SNTG1: variants seen among roughly 807,000 people sequenced by gnomAD.
The protein encoded by SNTG1 is syntrophin gamma 1, also known as gamma-1-syntrophin.
A neutral mutation model predicts 74.7 loss-of-function variants in SNTG1; 39 were observed. That is an observed-to-expected ratio of 0.52 (90% CI 0.40 to 0.68). The LOEUF (loss-of-function observed/expected upper bound fraction) is 0.68, where lower values mean the gene tolerates loss of function less well. SNTG1 is among the 30% of genes least tolerant of loss of function. The probability of loss-of-function intolerance (pLI) is 0.00; values close to 1 mark genes in which losing one functional copy is unlikely to be tolerated. For missense variants in SNTG1, 685 were observed against 609.5 expected (o/e 1.12, Z -1.30); for synonymous variants, 254 against 217.1 (o/e 1.17, Z -1.49).
rs952772954 is a variant in SNTG1 at position 50,462,200 on chromosome 8, G to A, written c.363+11471G>A. 1.2e-4 allele frequency among the ~76,000 whole-genome samples: 16 copies of A among 136,434 alleles called. 3 individuals are homozygous for A. Among genetic ancestry groups the A allele is most frequent in the Non-Finnish European group, 6.6e-5 (4 of 60,752 alleles). 89.5% of individuals were successfully genotyped at this position (136,434 alleles called of 152,430 possible). The stretch of plus-strand genomic sequence containing the variant: ...AGAATATCACACTAAAGTGAGTCTT[G>A]TAAATTTTGGTTTATGAAAATATCT... On this transcript the variant is annotated intron_variant, in intron 8 of 18. Transcript: ENST00000642720.
At chr8:50,404,711 C>T (rs951171330) in intron 4 of SNTG1, among the ~76,000 whole-genome samples, 2 of 151,858 alleles carry the variant, frequency 1.3e-5, no homozygotes, top group Non-Finnish European at 2.9e-5. Context: ...AGTAGCATTT[C>T]GTGCATTCAT....
intron 15 of SNTG1, among the ~76,000 whole-genome samples, chr8:50,700,938 TGAGA>T: frequency 6.6e-6 from 1 of 152,134 alleles, no homozygotes; most frequent in East Asian, 1.9e-4. Context: ...ATGCTTTGTC[TGAGA>T]GAGAGTCACG....
chr8:50,784,327 T>C (rs565336435), intron 18 of SNTG1, among the ~76,000 whole-genome samples: 7 of 151,982 alleles, frequency 4.6e-5, no homozygotes, highest in Admixed American at 3.3e-4. Context: ...CACATGTAGG[T>C]TGCAAATAAA....
chr8:50,620,019 T>C (rs1395030066), intron 13 of SNTG1, among the ~76,000 whole-genome samples: 1 of 152,272 alleles, frequency 6.6e-6, no homozygotes, highest in East Asian at 1.9e-4. Flanking sequence ...CTTGTGTTCC[T>C]GTAGGTCTGA....
intron 15 of SNTG1, among the ~76,000 whole-genome samples, chr8:50,678,131 G>T (rs76299670): frequency 0.028 from 4,199 of 151,296 alleles, 169 homozygotes; most frequent in African/African-American, 0.093. Flanking sequence ...GAAAAGAAAA[G>T]AATAATAATA....
At chr8:49,934,016 C>T (rs1316703500) in intron 1 of SNTG1, among the ~76,000 whole-genome samples, 1 of 152,086 alleles carries the variant, frequency 6.6e-6, no homozygotes, top group Admixed American at 6.6e-5. Context: ...TCAACAAATT[C>T]ATAACAGAAA....
chr8:49,965,581 C>A (rs766037126), intron 1 of SNTG1, among the ~76,000 whole-genome samples: 3 of 152,166 alleles, frequency 2.0e-5, no homozygotes, highest in Non-Finnish European at 4.4e-5. Flanking sequence ...AATGTGAAAT[C>A]TCCATAAGCA....
intron 1 of SNTG1, among the ~76,000 whole-genome samples, chr8:50,028,264 G>A (rs1216903007): frequency 1.3e-5 from 2 of 151,914 alleles, no homozygotes; most frequent in Non-Finnish European, 2.9e-5. Context: ...ACCTTGAGAT[G>A]GTAAAAACTA....
At chr8:50,765,100 G>T (rs1171584199) in intron 18 of SNTG1, among the ~76,000 whole-genome samples, 1 of 151,974 alleles carries the variant, frequency 6.6e-6, no homozygotes, top group Non-Finnish European at 1.5e-5. Flanking sequence ...AGAGACTGGA[G>T]AATAGGGGGA....
At chr8:49,975,873 ACTTTT>A in intron 1 of SNTG1, among the ~76,000 whole-genome samples, 1 of 151,984 alleles carries the variant, frequency 6.6e-6, no homozygotes. Context: ...TGTTAAATTG[ACTTTT>A]CTTCAACATT....
At chr8:50,487,425 C>T (rs2093806141) in intron 8 of SNTG1, among the ~76,000 whole-genome samples, 2 of 152,102 alleles carry the variant, frequency 1.3e-5, no homozygotes, top group African/African-American at 4.8e-5. Context: ...ATAGCAAAGA[C>T]TTGGAACCAA....
intron 1 of SNTG1, among the ~76,000 whole-genome samples, chr8:49,950,304 G>T (rs1441825241): frequency 6.6e-6 from 1 of 152,126 alleles, no homozygotes; most frequent in East Asian, 1.9e-4. Flanking sequence ...AAGTCCCATG[G>T]CACATGATAA....
intron 18 of SNTG1, 81 bp from the exon 19 acceptor site, chr8:50,792,590 A>G: frequency 1.4e-6 from 2 of 1,383,960 alleles, no homozygotes; most frequent in South Asian, 1.5e-5. Flanking sequence ...GTGTATTGAA[A>G]TTGAAAAAAA....
chr8:50,235,559 G>A (rs763213278), intron 2 of SNTG1, among the ~76,000 whole-genome samples: 3 of 152,084 alleles, frequency 2.0e-5, no homozygotes, highest in Non-Finnish European at 4.4e-5. Context: ...GTGAGTGAGT[G>A]GAAATCAATC....
intron 14 of SNTG1, 35 bp from the exon 15 acceptor site, chr8:50,658,557 A>T (rs764568381): frequency 6.7e-5 from 99 of 1,486,468 alleles, no homozygotes; most frequent in Non-Finnish European, 8.9e-5. Flanking sequence ...TAACTTTCTA[A>T]AACAAATTAA....
At chr8:50,472,480 A>G (rs2093661330) in intron 8 of SNTG1, among the ~76,000 whole-genome samples, 1 of 152,170 alleles carries the variant, frequency 6.6e-6, no homozygotes. Context: ...ATGTGAAAAA[A>G]TTAAACTGGA....
chr8:50,669,563 A>G (rs1476989664), intron 15 of SNTG1, among the ~76,000 whole-genome samples: 4 of 152,204 alleles, frequency 2.6e-5, no homozygotes, highest in Non-Finnish European at 5.9e-5. Flanking sequence ...CTTACCAACG[A>G]AAAAGAGTCC....
At chr8:50,375,272 TG>T (rs2092354607) in intron 2 of SNTG1, among the ~76,000 whole-genome samples, 1 of 152,088 alleles carries the variant, frequency 6.6e-6, no homozygotes, top group Admixed American at 6.5e-5. Flanking sequence ...TTCAGGCACA[TG>T]GTTGGGCACA....
chr8:49,920,601 C>T (rs1190239985), intron 1 of SNTG1, among the ~76,000 whole-genome samples: 3 of 152,050 alleles, frequency 2.0e-5, no homozygotes, highest in Non-Finnish European at 4.4e-5. Flanking sequence ...ATTTCATTGA[C>T]TTTAGTTTTA....
Sources: allele counts gnomAD v4.1 joint callset (sites outside exome capture counted in the v4.1 genomes callset), GRCh38; gene constraint gnomAD v4.1.1; transcripts MANE v1.5; gene names NCBI Gene and HGNC (gene_info 2026-07-23, HGNC 2026-07-21).